The following CAP2 variants were observed in gnomAD, a reference collection of about 807,000 sequenced individuals.
CAP2 encodes cyclase associated actin cytoskeleton regulatory protein 2.
CAP2 carries 24 observed loss-of-function variants against 57.7 expected under a neutral mutation model. The observed-to-expected ratio is 0.42, with a 90% CI of 0.30 to 0.58. The LOEUF (loss-of-function observed/expected upper bound fraction) is 0.58. Among genes scored for constraint, CAP2 ranks in the 20% least tolerant of loss-of-function variants. The pLI, the probability that CAP2 is intolerant of heterozygous loss-of-function variation, is 0.22. For synonymous variants in CAP2, 194 were observed against 207.2 expected, an observed-to-expected ratio of 0.94 and a Z score of 0.55; for missense variants, 501 against 590.3, an observed-to-expected ratio of 0.85 and a Z score of 1.57.
At chr6:17,472,124 G>A (rs1761036478) in intron 4 of CAP2, among the ~76,000 whole-genome samples, 1 of 25,796 alleles carries the variant, frequency 3.9e-5, no homozygotes, top group Admixed American at 3.1e-4. Context: ...CACGAGGTCA[G>A]GAGATCGAGA....
At chr6:17,429,742 G>C (rs2113543898) in intron 3 of CAP2, among the ~76,000 whole-genome samples, 1 of 152,294 alleles carries the variant, frequency 6.6e-6, no homozygotes, top group East Asian at 1.9e-4. Flanking sequence ...GCAAGAAAGA[G>C]AGAAAGAAAG....
At chr6:17,422,310 C>T (rs528289390) in intron 2 of CAP2, among the ~76,000 whole-genome samples, 2 of 148,500 alleles carry the variant, frequency 1.3e-5, no homozygotes, top group South Asian at 4.3e-4. Flanking sequence ...AACTACGTCA[C>T]GGTGTTTTAC....
chr6:17,419,969 T>C (rs1759391583), intron 1 of CAP2, among the ~76,000 whole-genome samples: 1 of 152,184 alleles, frequency 6.6e-6, no homozygotes, highest in African/African-American at 2.4e-5. Flanking sequence ...CCTCCTGGGC[T>C]CAAGTGATTC....
intron 3 of CAP2, among the ~76,000 whole-genome samples, chr6:17,442,347 C>A (rs1760108262): frequency 6.6e-6 from 1 of 152,142 alleles, no homozygotes; most frequent in Non-Finnish European, 1.5e-5. Context: ...CGCCAGGAAA[C>A]CTGTGGAGCA....
intron 9 of CAP2, 101 bp downstream of exon 9, chr6:17,541,249 T>G: frequency 1.1e-6 from 1 of 873,758 alleles, no homozygotes; most frequent in Non-Finnish European, 1.7e-6. Flanking sequence ...TTTTTTTAAT[T>G]TTTGTATTGG....
At chr6:17,497,884 T>G (rs761279371) in intron 4 of CAP2, among the ~76,000 whole-genome samples, 4 of 152,372 alleles carry the variant, frequency 2.6e-5, no homozygotes, top group Non-Finnish European at 5.9e-5. Flanking sequence ...TTTTCTTGTT[T>G]GTTTATTTTG....
intron 4 of CAP2, among the ~76,000 whole-genome samples, chr6:17,469,835 C>T (rs1259667332): frequency 7.2e-5 from 11 of 152,268 alleles, no homozygotes; most frequent in Non-Finnish European, 1.2e-4. Flanking sequence ...CACAGTCCTC[C>T]GCTCAGCACT....
intron 9 of CAP2, 109 bp from the exon 10 acceptor site, chr6:17,542,728 G>T: frequency 1.2e-6 from 1 of 866,844 alleles, no homozygotes; most frequent in Non-Finnish European, 1.8e-6. Context: ...GGTTCCAAAA[G>T]AATATATTGC....
chr6:17,510,562 G>A (rs1470316727), intron 6 of CAP2, among the ~76,000 whole-genome samples: 4 of 152,152 alleles, frequency 2.6e-5, no homozygotes, highest in Non-Finnish European at 5.9e-5. Context: ...AGGCAATTGT[G>A]CCCAATGATA....
chr6:17,462,518 A>G (rs1760755325), intron 3 of CAP2, among the ~76,000 whole-genome samples: 1 of 152,178 alleles, frequency 6.6e-6, no homozygotes. Context: ...CACCCCCAAA[A>G]GAAACCCCAT....
chr6:17,529,653 T>TATATAA (rs1762594963), intron 7 of CAP2, among the ~76,000 whole-genome samples: 1 of 113,328 alleles, frequency 8.8e-6, no homozygotes, highest in African/African-American at 3.7e-5. Flanking sequence ...AAAAAAAAAA[T>TATATAA]ATATATATAT....
At chr6:17,473,515 C>T (rs58474826) in intron 4 of CAP2, among the ~76,000 whole-genome samples, 5,653 of 152,280 alleles carry the variant, frequency 0.037, 352 homozygotes, top group African/African-American at 0.13. Context: ...CTGTGTCATT[C>T]AACAAATCTT....
At chr6:17,515,519 C>T (rs1762257838) in intron 7 of CAP2, among the ~76,000 whole-genome samples, 1 of 152,106 alleles carries the variant, frequency 6.6e-6, no homozygotes, top group South Asian at 2.1e-4. Context: ...GTGCCTACTA[C>T]CTGGGTGACG....
chr6:17,399,949 T>C (rs1758766336), intron 1 of CAP2, among the ~76,000 whole-genome samples: 1 of 151,908 alleles, frequency 6.6e-6, no homozygotes, highest in African/African-American at 2.4e-5. Flanking sequence ...TGGCCGGGCA[T>C]GGTGGCTCAC....
chr6:17,527,600 T>TTTC, intron 7 of CAP2, among the ~76,000 whole-genome samples: 1 of 148,254 alleles, frequency 6.7e-6, no homozygotes, highest in East Asian at 1.9e-4. Context: ...TCTCTTTCTT[T>TTTC]TTTTTTTTTT....
chr6:17,481,232 T>C (rs1319071494), intron 4 of CAP2, among the ~76,000 whole-genome samples: 2 of 152,152 alleles, frequency 1.3e-5, no homozygotes, highest in African/African-American at 4.8e-5. Flanking sequence ...CCCAAGTAAA[T>C]GTATGTTTAT....
chr6:17,496,774 A>G (rs1429258406), intron 4 of CAP2, among the ~76,000 whole-genome samples: 1 of 152,150 alleles, frequency 6.6e-6, no homozygotes, highest in African/African-American at 2.4e-5. Context: ...ATATCTTAAC[A>G]CTCACAGGGG....
intron 1 of CAP2, among the ~76,000 whole-genome samples, chr6:17,410,676 A>G (rs1561773485): frequency 4.0e-5 from 6 of 151,538 alleles, no homozygotes; most frequent in Admixed American, 6.6e-5. Flanking sequence ...TCCTGCCTCA[A>G]CCTCCCGAGT....
intron 7 of CAP2, among the ~76,000 whole-genome samples, chr6:17,526,361 A>G (rs34145200): frequency 0.35 from 53,276 of 151,258 alleles, 10,374 homozygotes; most frequent in African/African-American, 0.54. Flanking sequence ...CAGGTGATCC[A>G]ACCTTCTGTG....
Sources: allele counts gnomAD v4.1 joint callset (sites outside exome capture counted in the v4.1 genomes callset), GRCh38; gene constraint gnomAD v4.1.1; transcripts MANE v1.5; gene names NCBI Gene and HGNC (gene_info 2026-07-23, HGNC 2026-07-21).